The following SCAF11 variants were observed in gnomAD, a reference collection of about 807,000 sequenced individuals.
SCAF11 encodes protein SCAF11.
Under a neutral mutation model 140.5 loss-of-function variants are expected in SCAF11, and 47 were observed. That is an observed-to-expected ratio of 0.33 (90% CI 0.26 to 0.43). The LOEUF (loss-of-function observed/expected upper bound fraction) is 0.43. Among genes scored for constraint, SCAF11 ranks in the 20% least tolerant of loss-of-function variants. SCAF11 has a pLI of 1.00. For missense variants in SCAF11, 1,645 were observed against 1,705.1 expected (o/e 0.96, Z 0.62); for synonymous variants, 557 against 579.4 (o/e 0.96, Z 0.55).
At chr12:45,932,256 C>G (rs1203561849) in intron 9 of SCAF11, among the ~76,000 whole-genome samples, 1 of 152,036 alleles carries the variant, frequency 6.6e-6, no homozygotes, top group Non-Finnish European at 1.5e-5. Context: ...CTGTTAAGAC[C>G]CCCTCCTTCA....
intron 1 of SCAF11, among the ~76,000 whole-genome samples, chr12:45,981,308 G>A (rs1198250256): frequency 6.6e-6 from 1 of 152,136 alleles, no homozygotes; most frequent in African/African-American, 2.4e-5. Flanking sequence ...AGTCAAAAAC[G>A]ATGAATGAAC....
At chr12:45,930,126 A>G (rs561844682) in intron 10 of SCAF11, among the ~76,000 whole-genome samples, 1 of 152,362 alleles carries the variant, frequency 6.6e-6, no homozygotes, top group South Asian at 2.1e-4. Flanking sequence ...CCCTAAGTTT[A>G]TATCATTTGT....
chr12:45,956,783 T>C (rs527694466), intron 3 of SCAF11, among the ~76,000 whole-genome samples: 12 of 152,314 alleles, frequency 7.9e-5, no homozygotes, highest in African/African-American at 2.9e-4. Flanking sequence ...CCCATACAGA[T>C]CATTTTACAT....
At chr12:45,942,416 C>T (rs1314416758) in intron 6 of SCAF11, among the ~76,000 whole-genome samples, 1 of 152,188 alleles carries the variant, frequency 6.6e-6, no homozygotes, top group Non-Finnish European at 1.5e-5. Flanking sequence ...TACTCTTATT[C>T]GTCTATGATT....
At chr12:45,969,341 T>A (rs1409876135) in intron 1 of SCAF11, among the ~76,000 whole-genome samples, 1 of 152,196 alleles carries the variant, frequency 6.6e-6, no homozygotes, top group Non-Finnish European at 1.5e-5. Context: ...TCCTTCTATT[T>A]TTTTTCTTCC....
At chr12:45,990,573 TCC>T (rs1946576350) in exon 1 of SCAF11, 2 of 1,229,826 alleles carry the variant, frequency 1.6e-6, no homozygotes, top group Non-Finnish European at 2.0e-6. Context: ...CCACCGCTAC[TCC>T]CCCTTCCCCC....
At chr12:45,934,839 C>A (rs1565666511) in intron 6 of SCAF11, 1 of 168,784 alleles carries the variant, frequency 5.9e-6, no homozygotes, top group Non-Finnish European at 1.3e-5. Context: ...AAGGTATACA[C>A]AAGAAGTCAA....
At chr12:45,928,979 A>C in intron 10 of SCAF11, 120 bp from the exon 11 acceptor site, 1 of 512,656 alleles carries the variant, frequency 2.0e-6, no homozygotes, top group Non-Finnish European at 3.2e-6. Context: ...ACTTATAAAT[A>C]AAACTATTAA....
intron 1 of SCAF11, among the ~76,000 whole-genome samples, chr12:45,968,651 G>A (rs1946003197): frequency 6.6e-6 from 1 of 152,106 alleles, no homozygotes; most frequent in African/African-American, 2.4e-5. Flanking sequence ...TTCAAATAAT[G>A]GTAGTGACGC....
intron 9 of SCAF11, 24 bp downstream of exon 9, chr12:45,933,107 G>A (rs766304103): frequency 6.7e-7 from 1 of 1,483,698 alleles, no homozygotes. Context: ...GTAAACACCT[G>A]AGTAAATAAT....
rs1184879302 is a variant in SCAF11, at chr12:45,923,017, G to A, written c.4044C>T (p.Ala1348=). The A allele has an allele frequency of 1.2e-6, 2 of 1,614,060 alleles. No individual in the cohort carries two copies. The highest frequency in any genetic ancestry group is 1.7e-5 in the Admixed American group (1 of 60,006). The change falls in exon 13 of 15, where the codon GCC becomes GCT. Residue 1348 remains alanine (A), a synonymous_variant. Coordinates refer to ENST00000369367, the MANE Select transcript of SCAF11 (RefSeq NM_004719.3). ...GNTSSSSHSK[A]SNAAVKLAES... ...CTGCCAATTTTACAGCAGCATTAGA[G>A]GCTTTGCTGTGACTTGATGACGAAG...
upstream of SCAF11, chr12:45,991,746 G>T: frequency 6.8e-6 from 3 of 440,772 alleles, no homozygotes; most frequent in Non-Finnish European, 6.8e-6. Flanking sequence ...TCTTCTCGTC[G>T]ACTGCAGCAA....
rs563779948 is a variant in SCAF11 at position 45,933,112 on chromosome 12, A to G, written c.734+19T>C. On this transcript the variant is annotated intron_variant, in intron 9 of 14. Transcript: ENST00000369367. Reference sequence around the variant, plus strand: ...ATGTTAGCATGTAAACACCTGAGTAAATAATTTTTTATTTTTACCTTCCAA... The same window carrying G: ...ATGTTAGCATGTAAACACCTGAGTAGATAATTTTTTATTTTTACCTTCCAA... The G allele has an allele frequency of 3.9e-6, 6 of 1,539,250 alleles. No homozygotes were observed. The African/African-American group carries it at 8.1e-5, about 21-fold the overall frequency.
At chr12:45,979,559 A>T (rs1225719330) in intron 1 of SCAF11, among the ~76,000 whole-genome samples, 3 of 152,160 alleles carry the variant, frequency 2.0e-5, no homozygotes, top group Non-Finnish European at 2.9e-5. Context: ...TTGAGAACTG[A>T]TCACTTTCTT....
intron 1 of SCAF11, among the ~76,000 whole-genome samples, chr12:45,978,125 A>G (rs1210013508): frequency 6.6e-6 from 1 of 152,188 alleles, no homozygotes; most frequent in African/African-American, 2.4e-5. Context: ...AGTCTGAAAA[A>G]TCATCAAATG....
chr12:45,942,622 G>C (rs1362130987), intron 6 of SCAF11, among the ~76,000 whole-genome samples: 2 of 152,112 alleles, frequency 1.3e-5, no homozygotes, highest in African/African-American at 4.8e-5. Flanking sequence ...GAATATTCCT[G>C]TCTCAGGCTT....
chr12:45,951,390 A>T lies in SCAF11; in HGVS notation c.297+260T>A, dbSNP rs115622524. Among the ~76,000 whole-genome samples, 1,093 of 152,252 alleles carry T rather than the reference A, an allele frequency of 7.2e-3. 10 individuals are homozygous for T. Among genetic ancestry groups the T allele is most frequent in the African/African-American group, 0.025 (1,034 of 41,554 alleles). ...AGCCTTAGTACAAAACGTCCTTCAG[A>T]TTATCAGAGATCTAATACATTTTGT... On this transcript the variant is annotated intron_variant, in intron 4 of 14. Coordinates refer to ENST00000369367, the MANE Select transcript of SCAF11 (RefSeq NM_004719.3).
chr12:45,986,520 T>C (rs1946463262), intron 1 of SCAF11, among the ~76,000 whole-genome samples: 1 of 152,160 alleles, frequency 6.6e-6, no homozygotes, highest in Non-Finnish European at 1.5e-5. Context: ...TCTCCTCCCT[T>C]TCAATACACA....
At position 45,931,599 on chromosome 12, in the gene SCAF11, G is replaced by C; in HGVS notation, c.748C>G (p.Pro250Ala). 6.6e-7 allele frequency: 1 copy of C among 1,508,496 alleles called. No individual in the cohort carries two copies. Among genetic ancestry groups the C allele is most frequent in the Non-Finnish European group, 8.8e-7 (1 of 1,134,652 alleles). 93.4% of individuals were successfully genotyped at this position (1,508,496 alleles called of 1,614,324 possible). The change falls in exon 10 of 15, where the codon CCC (proline) becomes GCC (alanine). Residue 250 changes from proline (P) to alanine (A), a missense_variant. Physicochemically the swap from Pro to Ala is conservative, Grantham distance 27. Transcript: ENST00000369367. ...AGGACTTCTGTTTCAACATTCCAGG[G>C]TATAAAACCAATTCTGAAAACATAA... ...LPGIGRIGFIPWNVETEVLPL... is the reference protein window; with the variant it reads ...LPGIGRIGFIAWNVETEVLPL...
Sources: allele counts gnomAD v4.1 joint callset (sites outside exome capture counted in the v4.1 genomes callset), GRCh38; gene constraint gnomAD v4.1.1; transcripts MANE v1.5; gene names NCBI Gene and HGNC (gene_info 2026-07-23, HGNC 2026-07-21).